The following RYR2 variants were observed in gnomAD, a reference collection of about 807,000 sequenced individuals.
RYR2 encodes the protein cardiac muscle ryanodine receptor-calcium release channel.
A neutral mutation model predicts 601.1 loss-of-function variants in RYR2; 227 were observed. The ratio of observed to expected loss-of-function variants is 0.38; its 90% CI spans 0.34 to 0.42. The LOEUF is 0.42. Among genes scored for constraint, RYR2 ranks in the 10% least tolerant of loss-of-function variants. RYR2 has a pLI of 1.00. For synonymous variants in RYR2, 2,223 were observed against 2,175.1 expected (o/e 1.02, Z -0.61); for missense variants, 4,646 against 6,156.5 (o/e 0.75, Z 8.21).
rs1690385079 is a variant in RYR2, at chr1:237,728,446, G to T, written c.10838+1247G>T. On this transcript the variant is annotated intron_variant, in intron 76 of 104. Coordinates refer to ENST00000366574, the MANE Select transcript of RYR2 (RefSeq NM_001035.3). ...TCCCATGACTGGGTATATACCCAAAGGATTATAAATCATTCTACTATAAAG... is the reference window on the plus strand; with the variant it reads ...TCCCATGACTGGGTATATACCCAAATGATTATAAATCATTCTACTATAAAG... Among the ~76,000 whole-genome samples the T allele has an allele frequency of 1.3e-5, 2 of 151,964 alleles. 1 individual carries two copies. Among genetic ancestry groups the T allele is most frequent in the South Asian group, 4.1e-4 (2 of 4,822 alleles).
intron 2 of RYR2, among the ~76,000 whole-genome samples, chr1:237,308,713 C>T (rs1572550846): frequency 6.6e-6 from 1 of 152,148 alleles, no homozygotes; most frequent in South Asian, 2.1e-4. Context: ...CAGTGCAGAC[C>T]CAAAGAGTGA....
At chr1:237,081,280 T>TAAAAAA (rs397815900) in intron 1 of RYR2, among the ~76,000 whole-genome samples, 27 of 56,086 alleles carry the variant, frequency 4.8e-4, no homozygotes, top group East Asian at 1.0e-3. Flanking sequence ...TAGAGTATAA[T>TAAAAAA]AAAAAAAAAA....
At position 237,348,178 on chromosome 1, in the gene RYR2, A is replaced by G. The variant is rs557591808; in HGVS notation, c.274-7787A>G. Among the ~76,000 whole-genome samples the G allele has an allele frequency of 3.9e-5, 6 of 152,236 alleles. No individual in the cohort carries two copies. The East Asian group carries it at 1.2e-3, about 29-fold the overall frequency. ...ACGTTTTTATTATTATTATTACGAG[A>G]CAGGGTCTCATTGTCCAGGCTGGAT... On this transcript the variant is annotated intron_variant, in intron 3 of 104. Transcript: ENST00000366574.
chr1:237,500,593 C>T, intron 20 of RYR2, 118 bp from the exon 21 acceptor site: 2 of 762,556 alleles, frequency 2.6e-6, no homozygotes, highest in Non-Finnish European at 4.2e-6. Flanking sequence ...AGATTTATTC[C>T]TTCTGATGTT....
At chr1:237,480,621 T>C (rs1306539459) in intron 17 of RYR2, among the ~76,000 whole-genome samples, 1 of 152,098 alleles carries the variant, frequency 6.6e-6, no homozygotes, top group African/African-American at 2.4e-5. Flanking sequence ...TTCCTTAAAC[T>C]GAAGGCAGCA....
chr1:237,297,095 T>C (rs1692859896), intron 2 of RYR2, among the ~76,000 whole-genome samples: 1 of 152,048 alleles, frequency 6.6e-6, no homozygotes, highest in African/African-American at 2.4e-5. Context: ...AAATCAGGGA[T>C]GTAAAAGGAA....
In RYR2 at chr1:237,614,612, G is replaced by A; in HGVS notation, c.5484G>A (p.Leu1828=). 6.2e-7 allele frequency: 1 copy of A among 1,613,982 alleles called. No homozygotes were observed. Among genetic ancestry groups the A allele is most frequent in the Non-Finnish European group, 8.5e-7 (1 of 1,179,888 alleles). ...FVPLIKLFYT[L]LIMGIFHNED... The stretch of plus-strand genomic sequence containing the variant: ...CTCTCATCAAGCTTTTCTATACCCT[G>A]CTGATCATGGGCATCTTTCACAACG... The change falls in exon 37 of 105, where the codon CTG becomes CTA. Residue 1828 remains leucine (L), a synonymous_variant. Coordinates refer to ENST00000366574, the MANE Select transcript of RYR2 (RefSeq NM_001035.3). This position sits in a 1 kb window ranked among gnomAD's most constrained non-coding sequence, Gnocchi z 4.3.
intron 4 of RYR2, among the ~76,000 whole-genome samples, chr1:237,363,715 C>T (rs944848967): frequency 7.9e-5 from 12 of 152,000 alleles, no homozygotes; most frequent in Admixed American, 7.9e-4. Flanking sequence ...CACACACATA[C>T]GTACACATTA....
chr1:237,089,235 A>G (rs2385580), intron 1 of RYR2, among the ~76,000 whole-genome samples: 1,796 of 152,348 alleles, frequency 0.012, 38 homozygotes, highest in African/African-American at 0.041. Context: ...TTTCTTACAC[A>G]TAAATGAAGA....
In RYR2 at chr1:237,802,117, G is replaced by T. The variant is rs73103994; in HGVS notation, c.14151+201G>T. ...TCCATTTCTTTCAATAGCTGAAATAGTAAAATGAAAATATATGAAAAACTG... is the reference window on the plus strand; with the variant it reads ...TCCATTTCTTTCAATAGCTGAAATATTAAAATGAAAATATATGAAAAACTG... On this transcript the variant is annotated intron_variant, in intron 98 of 104. Transcript: ENST00000366574. The T allele has an allele frequency of 0.012, 4,387 of 378,674 alleles. 94 individuals carry two copies. The highest frequency in any genetic ancestry group is 0.052 in the African/African-American group (2,530 of 48,886). 23.5% of individuals were successfully genotyped at this position (378,674 alleles called of 1,614,324 possible).
chr1:237,107,800 C>T (rs1358091454), intron 1 of RYR2, among the ~76,000 whole-genome samples: 2 of 152,158 alleles, frequency 1.3e-5, no homozygotes, highest in Non-Finnish European at 2.9e-5. Context: ...AGCCTTAGTT[C>T]TTTCCAGAAG....
intron 90 of RYR2, among the ~76,000 whole-genome samples, chr1:237,785,276 T>A (rs1450296918): frequency 6.6e-6 from 1 of 152,236 alleles, no homozygotes; most frequent in Non-Finnish European, 1.5e-5. Flanking sequence ...AGAAAACTTT[T>A]AGATACCTGT....
At chr1:237,611,259 A>G (rs913222692) in intron 36 of RYR2, among the ~76,000 whole-genome samples, 11 of 152,214 alleles carry the variant, frequency 7.2e-5, no homozygotes, top group African/African-American at 2.4e-4. Context: ...ACTTACAATG[A>G]CAATGGCGAA....
chr1:237,064,442 C>T (rs189570774), intron 1 of RYR2, among the ~76,000 whole-genome samples: 77 of 152,124 alleles, frequency 5.1e-4, no homozygotes, highest in African/African-American at 1.7e-3. Flanking sequence ...ATCACATTTA[C>T]GTTTGTTTCT....
chr1:237,436,310 T>C (rs779455365), intron 12 of RYR2, among the ~76,000 whole-genome samples: 17 of 151,984 alleles, frequency 1.1e-4, no homozygotes, highest in Non-Finnish European at 1.8e-4. Context: ...ATTTAGGCAC[T>C]GTGACCTTAA....
intron 1 of RYR2, among the ~76,000 whole-genome samples, chr1:237,190,721 G>A (rs1010501925): frequency 6.6e-6 from 1 of 152,206 alleles, no homozygotes. Context: ...AATGTGCATA[G>A]GCTGCATGTG....
chr1:237,074,901 T>C (rs1161007170), intron 1 of RYR2, among the ~76,000 whole-genome samples: 2 of 152,148 alleles, frequency 1.3e-5, no homozygotes, highest in Non-Finnish European at 2.9e-5. Flanking sequence ...ATTTTGAAGC[T>C]GGTGTATGTC....
intron 3 of RYR2, among the ~76,000 whole-genome samples, chr1:237,354,720 A>AC (rs1184541999): frequency 6.6e-6 from 1 of 152,124 alleles, no homozygotes; most frequent in Non-Finnish European, 1.5e-5. Context: ...TAACAAGAAA[A>AC]TATCTTGAAA....
chr1:237,625,457 A>G (rs1441913259), intron 39 of RYR2, among the ~76,000 whole-genome samples: 3 of 152,156 alleles, frequency 2.0e-5, no homozygotes, highest in Non-Finnish European at 4.4e-5. Context: ...GCCCACAGGA[A>G]TAGAACAAAA....
Sources: allele counts gnomAD v4.1 joint callset (sites outside exome capture counted in the v4.1 genomes callset), GRCh38; gene constraint gnomAD v4.1.1; non-coding constraint Gnocchi (gnomAD v3.1); transcripts MANE v1.5; gene names NCBI Gene and HGNC (gene_info 2026-07-23, HGNC 2026-07-21).